Variants in DDC observed in about 807,000 individuals in gnomAD.
DDC encodes dopa decarboxylase.
DDC carries 43 observed loss-of-function variants against 60.0 expected under a neutral mutation model. The ratio of observed to expected loss-of-function variants is 0.72; its 90% CI spans 0.56 to 0.92. DDC has a LOEUF of 0.92. Ranked by LOEUF, DDC falls within the 40% of genes least tolerant of loss-of-function variation. The pLI, the probability that DDC is intolerant of heterozygous loss-of-function variation, is 0.00. For synonymous variants in DDC, 232 were observed against 234.6 expected, an observed-to-expected ratio of 0.99 and a Z score of 0.10; for missense variants, 573 against 620.2, an observed-to-expected ratio of 0.92 and a Z score of 0.81.
chr7:50,516,848 G>A (rs1585216825), intron 6 of DDC, among the ~76,000 whole-genome samples: 2 of 152,008 alleles, frequency 1.3e-5, no homozygotes, highest in Non-Finnish European at 2.9e-5. Context: ...AGAAATTCCT[G>A]GAAAAATACA....
Position 50,463,238 on chromosome 7 carries a change from C to G in DDC, c.1436G>C (p.Arg479Thr). 1 of 1,611,818 alleles carries G rather than the reference C, an allele frequency of 6.2e-7. No individual in the cohort carries two copies. The highest frequency in any genetic ancestry group is 8.5e-7 in the Non-Finnish European group (1 of 1,179,120). Residue 479 changes from arginine (R) to threonine (T), a missense_variant, in exon 14 of 15, where the codon AGG becomes ACG. Coordinates refer to ENST00000444124, the MANE Select transcript of DDC (RefSeq NM_001082971.2). ...ELAADVLRAE[R>T]E ...CTGCAGCTGGCTTCACTCCTACTCC[C>G]TCTCTGCTCGCAGCACGTCGGCCGC...
In DDC at chr7:50,537,845, C is replaced by T. The variant is rs544783890; in HGVS notation, c.435+15G>A. On this transcript the variant is annotated intron_variant, in intron 4 of 14. Transcript: ENST00000444124. ...CCATGCATCCCAAAAGTGGCCCTCA[C>T]AGCTCCCACCTTACCTGGATCACTC... The T allele has an allele frequency of 3.7e-6, 6 of 1,614,170 alleles. No homozygotes were observed. The East Asian group carries it at 1.1e-4, about 30-fold the overall frequency.
intron 1 of DDC, among the ~76,000 whole-genome samples, chr7:50,553,229 T>C (rs17133878): frequency 0.41 from 61,782 of 152,002 alleles, 12,835 homozygotes; most frequent in East Asian, 0.52. Flanking sequence ...AACACCGGGA[T>C]ACTGGAGACT....
chr7:50,521,051 T>C (rs2043876123), intron 6 of DDC, among the ~76,000 whole-genome samples: 1 of 151,962 alleles, frequency 6.6e-6, no homozygotes, highest in Admixed American at 6.6e-5. Flanking sequence ...AAATGATAAA[T>C]AAATTTTCAA....
intron 6 of DDC, among the ~76,000 whole-genome samples, chr7:50,515,263 C>T (rs1390321580): frequency 6.6e-6 from 1 of 152,184 alleles, no homozygotes; most frequent in Non-Finnish European, 1.5e-5. Flanking sequence ...TCAGCCTCCT[C>T]AAACAAAACA....
At chr7:50,534,320 TCTC>T (rs1408697039) in intron 4 of DDC, among the ~76,000 whole-genome samples, 6 of 152,152 alleles carry the variant, frequency 3.9e-5, no homozygotes, top group African/African-American at 1.2e-4. Flanking sequence ...CTCTGACCGA[TCTC>T]CTACAGCTCA....
intron 1 of DDC, 57 bp from the exon 2 acceptor site, chr7:50,544,170 G>GGGATACCAAGCAAGCCGT: frequency 7.4e-7 from 1 of 1,351,516 alleles, no homozygotes; most frequent in South Asian, 1.2e-5. Flanking sequence ...CTGGAAGGCG[G>GGGATACCAAGCAAGCCGT]GGATACCAAG....
intron 6 of DDC, among the ~76,000 whole-genome samples, chr7:50,519,808 G>A (rs991356813): frequency 1.3e-4 from 19 of 151,932 alleles, no homozygotes; most frequent in Non-Finnish European, 2.5e-4. Flanking sequence ...TCAGTTTATG[G>A]GTGCACCAAA....
intron 6 of DDC, among the ~76,000 whole-genome samples, chr7:50,504,690 T>TG (rs1016000454): frequency 4.6e-5 from 7 of 152,006 alleles, no homozygotes; most frequent in Admixed American, 4.6e-4. Context: ...TTTCCTAGTT[T>TG]GGGGGGGTGT....
intron 6 of DDC, among the ~76,000 whole-genome samples, chr7:50,521,812 C>T (rs1421444685): frequency 6.6e-6 from 1 of 152,052 alleles, no homozygotes; most frequent in African/African-American, 2.4e-5. Context: ...AATGAAAAAC[C>T]TACTCTTAAC....
At chr7:50,468,243 A>C (rs2042444511) in intron 12 of DDC, among the ~76,000 whole-genome samples, 1 of 152,228 alleles carries the variant, frequency 6.6e-6, no homozygotes, top group Non-Finnish European at 1.5e-5. Flanking sequence ...GCGATCCCGA[A>C]AGCCGGTTCC....
At chr7:50,552,203 G>A (rs1410118776) in intron 1 of DDC, among the ~76,000 whole-genome samples, 1 of 152,146 alleles carries the variant, frequency 6.6e-6, no homozygotes, top group African/African-American at 2.4e-5. Context: ...AGAGAATCTT[G>A]TGCTCATTTG....
At chr7:50,490,717 C>T (rs2042981310) in intron 9 of DDC, among the ~76,000 whole-genome samples, 1 of 152,128 alleles carries the variant, frequency 6.6e-6, no homozygotes, top group Non-Finnish European at 1.5e-5. Flanking sequence ...AACAAAAGCT[C>T]TAAATCTTAG....
At chr7:50,504,847 T>C (rs2043350155) in intron 6 of DDC, among the ~76,000 whole-genome samples, 1 of 152,220 alleles carries the variant, frequency 6.6e-6, no homozygotes, top group Non-Finnish European at 1.5e-5. Flanking sequence ...AGAACAGACT[T>C]TGGCATCAGT....
chr7:50,492,907 G>A, intron 9 of DDC: 4 of 1,595,882 alleles, frequency 2.5e-6, no homozygotes, highest in Non-Finnish European at 3.4e-6. Context: ...TCAGCTCTGC[G>A]GCAGGCACTC....
At chr7:50,464,097 CCTT>C (rs1213071142) in intron 13 of DDC, among the ~76,000 whole-genome samples, 4 of 151,936 alleles carry the variant, frequency 2.6e-5, no homozygotes, top group East Asian at 1.9e-4. Flanking sequence ...GCTCCTCTGT[CCTT>C]CTTCTGTTTG....
At chr7:50,531,901 A>T (rs1413905625) in intron 4 of DDC, 1 of 152,246 alleles carries the variant, frequency 6.6e-6, no homozygotes, top group African/African-American at 2.4e-5. Context: ...GGATGCTGGT[A>T]AGGTCTGACG....
At chr7:50,500,956 CTCTGCAT>C (rs1050764955) in intron 7 of DDC, among the ~76,000 whole-genome samples, 1 of 152,218 alleles carries the variant, frequency 6.6e-6, no homozygotes, top group Non-Finnish European at 1.5e-5. Flanking sequence ...GTGGGCATGC[CTCTGCAT>C]TCTGCATTCT....
At chr7:50,463,530 A>G in intron 13 of DDC, 99 bp from the exon 14 acceptor site, 1 of 1,016,840 alleles carries the variant, frequency 9.8e-7, no homozygotes, top group Non-Finnish European at 1.6e-6. Context: ...CCTACCGTAC[A>G]TCAGGAAGAA....
Sources: allele counts gnomAD v4.1 joint callset (sites outside exome capture counted in the v4.1 genomes callset), GRCh38; gene constraint gnomAD v4.1.1; transcripts MANE v1.5; gene names NCBI Gene and HGNC (gene_info 2026-07-23, HGNC 2026-07-21).